Variants in SHISA6 observed in about 807,000 individuals in gnomAD.
SHISA6 encodes protein shisa-6.
Under a neutral mutation model 47.9 loss-of-function variants are expected in SHISA6, and 22 were observed. The observed-to-expected ratio is 0.46, with a 90% CI of 0.33 to 0.66. The LOEUF (loss-of-function observed/expected upper bound fraction) is 0.66, where lower values mean the gene tolerates loss of function less well. Ranked by LOEUF, SHISA6 falls within the 30% of genes least tolerant of loss-of-function variation. The probability of loss-of-function intolerance (pLI) is 0.02; values close to 1 mark genes in which losing one functional copy is unlikely to be tolerated. For missense variants in SHISA6, 680 were observed against 764.6 expected (o/e 0.89, Z 1.30); for synonymous variants, 388 against 337.8 (o/e 1.15, Z -1.63).
chr17:11,388,269 C>CT (rs1438784104), intron 3 of SHISA6, among the ~76,000 whole-genome samples: 3 of 152,126 alleles, frequency 2.0e-5, no homozygotes, highest in Non-Finnish European at 4.4e-5. Flanking sequence ...CAACAGTGAG[C>CT]TTTTTCAACC....
intron 3 of SHISA6, among the ~76,000 whole-genome samples, chr17:11,382,670 C>T (rs1597485853): frequency 6.6e-6 from 1 of 152,046 alleles, no homozygotes; most frequent in African/African-American, 2.4e-5. Flanking sequence ...TTCCTTTTTC[C>T]CTCTTCATCC....
intron 2 of SHISA6, among the ~76,000 whole-genome samples, chr17:11,365,046 A>G (rs567324154): frequency 1.8e-4 from 28 of 152,308 alleles, no homozygotes; most frequent in East Asian, 1.2e-3. Context: ...TTCCTCACCT[A>G]TAATACAAAG....
intron 3 of SHISA6, among the ~76,000 whole-genome samples, chr17:11,420,248 T>C (rs963425414): frequency 2.0e-5 from 3 of 152,142 alleles, no homozygotes; most frequent in African/African-American, 7.2e-5. Flanking sequence ...CATCTGGGCT[T>C]AAGCCCTGCC....
intron 2 of SHISA6, among the ~76,000 whole-genome samples, chr17:11,330,149 T>A (rs1394223771): frequency 6.6e-6 from 1 of 152,100 alleles, no homozygotes; most frequent in African/African-American, 2.4e-5. Context: ...GTTCCTGGGT[T>A]CTGGTTGACC....
chr17:11,310,500 A>G lies in SHISA6; in HGVS notation c.799+46974A>G, dbSNP rs79159708. ...CAGTTGAGTTGTTTGAGGAACATCAAGGAGTCCTGAATGGCTGGAACAGAA... is the reference window on the plus strand; with the variant it reads ...CAGTTGAGTTGTTTGAGGAACATCAGGGAGTCCTGAATGGCTGGAACAGAA... On this transcript the variant is annotated intron_variant, in intron 2 of 5. Transcript: ENST00000441885. Among the ~76,000 whole-genome samples the G allele has an allele frequency of 7.8e-3, 1,192 of 152,312 alleles. 13 individuals carry two copies. Among genetic ancestry groups the G allele is most frequent in the South Asian group, 0.021 (102 of 4,818 alleles).
chr17:11,441,058 C>G (rs1915080999), intron 3 of SHISA6, among the ~76,000 whole-genome samples: 1 of 152,146 alleles, frequency 6.6e-6, no homozygotes, highest in Admixed American at 6.5e-5. Context: ...CACCTTCTCA[C>G]AGAGCATCAG....
chr17:11,446,127 G>A (rs907936324), intron 3 of SHISA6, among the ~76,000 whole-genome samples: 10 of 152,074 alleles, frequency 6.6e-5, no homozygotes, highest in African/African-American at 2.4e-4. Context: ...CAGCATGCTT[G>A]TTAAAGGCAA....
intron 3 of SHISA6, among the ~76,000 whole-genome samples, chr17:11,380,648 A>G (rs1286894891): frequency 6.6e-6 from 1 of 152,202 alleles, no homozygotes; most frequent in African/African-American, 2.4e-5. Flanking sequence ...CTGTGAGACA[A>G]TTTACTCTCA....
chr17:11,398,725 T>G (rs1597493543), intron 3 of SHISA6, among the ~76,000 whole-genome samples: 2 of 152,254 alleles, frequency 1.3e-5, no homozygotes, highest in African/African-American at 2.4e-5. Context: ...CCCAAGTAGC[T>G]GGGACTACAG....
intron 3 of SHISA6, among the ~76,000 whole-genome samples, chr17:11,541,116 G>T (rs113305707): frequency 0.014 from 2,195 of 152,250 alleles, 62 homozygotes; most frequent in African/African-American, 0.05. Context: ...GAGATTTTAA[G>T]TTTATTACCA....
intron 1 of SHISA6, among the ~76,000 whole-genome samples, chr17:11,248,446 G>A (rs995038344): frequency 2.0e-5 from 3 of 152,112 alleles, no homozygotes; most frequent in Non-Finnish European, 4.4e-5. Flanking sequence ...AAGCCAGGGC[G>A]CCTGTGTTCT....
intron 3 of SHISA6, among the ~76,000 whole-genome samples, chr17:11,529,834 G>A (rs1371188694): frequency 6.6e-6 from 1 of 151,956 alleles, no homozygotes; most frequent in Non-Finnish European, 1.5e-5. Context: ...ACCCTAATAG[G>A]GGAAAAATGG....
At chr17:11,527,257 G>A (rs2142368306) in intron 3 of SHISA6, among the ~76,000 whole-genome samples, 1 of 152,216 alleles carries the variant, frequency 6.6e-6, no homozygotes, top group South Asian at 2.1e-4. Flanking sequence ...CCTGCCCCGT[G>A]AGGAGAACCA....
At chr17:11,513,178 T>A (rs917632668) in intron 3 of SHISA6, among the ~76,000 whole-genome samples, 1 of 140,054 alleles carries the variant, frequency 7.1e-6, no homozygotes, top group African/African-American at 2.7e-5. Flanking sequence ...TTTATATATG[T>A]TTATTACACA....
chr17:11,327,611 A>G (rs1910943593), intron 2 of SHISA6, among the ~76,000 whole-genome samples: 1 of 152,232 alleles, frequency 6.6e-6, no homozygotes, highest in Admixed American at 6.5e-5. Flanking sequence ...AGACTGGCCA[A>G]CAGGGCAAAA....
chr17:11,527,215 G>A (rs889615075), intron 3 of SHISA6, among the ~76,000 whole-genome samples: 1 of 152,080 alleles, frequency 6.6e-6, no homozygotes, highest in Non-Finnish European at 1.5e-5. Flanking sequence ...ATGAGTCTTG[G>A]CTATTCCATA....
chr17:11,346,524 T>A (rs1207134566), intron 2 of SHISA6, among the ~76,000 whole-genome samples: 2 of 152,198 alleles, frequency 1.3e-5, no homozygotes, highest in Non-Finnish European at 2.9e-5. Flanking sequence ...AAAATTTGAA[T>A]CTGTTTGAGA....
At chr17:11,452,191 C>A (rs1276728203) in intron 3 of SHISA6, among the ~76,000 whole-genome samples, 4 of 152,228 alleles carry the variant, frequency 2.6e-5, no homozygotes, top group Admixed American at 6.5e-5. Context: ...GCAATTAATC[C>A]AGGTCTCCTG....
intron 3 of SHISA6, among the ~76,000 whole-genome samples, chr17:11,453,828 T>A (rs1050314317): frequency 1.4e-4 from 21 of 152,176 alleles, no homozygotes; most frequent in Non-Finnish European, 2.8e-4. Flanking sequence ...ATGATTCCAT[T>A]AATATGACAT....
Sources: gnomAD v4.1 joint callset for allele counts (sites outside exome capture counted in the v4.1 genomes callset) on GRCh38, gnomAD v4.1.1 for gene constraint, MANE v1.5 for transcripts, NCBI Gene and HGNC (gene_info 2026-07-23, HGNC 2026-07-21) for gene names.